Variants in CRTC3 observed in about 807,000 individuals in gnomAD.
The protein encoded by CRTC3 is CREB-regulated transcription coactivator 3.
Under a neutral mutation model 74.5 loss-of-function variants are expected in CRTC3, and 26 were observed. The observed-to-expected ratio is 0.35, with a 90% CI of 0.26 to 0.48. CRTC3 has a LOEUF of 0.48. CRTC3 is among the 20% of genes least tolerant of loss of function. The pLI is 0.99. For missense variants in CRTC3, 760 were observed against 787.3 expected (o/e 0.97, Z 0.41); for synonymous variants, 377 against 325.8 (o/e 1.16, Z -1.69).
chr15:90,625,354 A>G (rs1232216796), intron 9 of CRTC3, among the ~76,000 whole-genome samples: 1 of 151,818 alleles, frequency 6.6e-6, no homozygotes, highest in Non-Finnish European at 1.5e-5. Flanking sequence ...GAAGACTGTA[A>G]TTTTAAAAAT....
chr15:90,640,406 C>G (rs1245969541), intron 13 of CRTC3, among the ~76,000 whole-genome samples: 1 of 152,078 alleles, frequency 6.6e-6, no homozygotes, highest in Non-Finnish European at 1.5e-5. Flanking sequence ...AGGGAAGAGG[C>G]CAGGTGCAGT....
At chr15:90,640,989 ATG>A in intron 13 of CRTC3, 106 bp from the exon 14 acceptor site, 1 of 720,062 alleles carries the variant, frequency 1.4e-6, no homozygotes, top group Non-Finnish European at 2.5e-6. Context: ...AGAAGGGAAT[ATG>A]GATTAGTTTG....
In CRTC3 at chr15:90,553,464, C is replaced by T. The variant is rs572647079; in HGVS notation, c.231+13327C>T. ...TTAATCCATATTCGAATCATTTTTC[C>T]CTTCCTTTTTATCTAGCCGTACATG... On this transcript the variant is annotated intron_variant, in intron 2 of 14. Transcript: ENST00000268184. 2.6e-5 allele frequency among the ~76,000 whole-genome samples: 4 copies of T among 152,212 alleles called. 2 individuals are homozygous for T. The South Asian group carries it at 8.3e-4, about 32-fold the overall frequency.
rs528386425 is a variant in CRTC3, at chr15:90,637,297, C to T, written c.1267-1149C>T. 5.6e-4 allele frequency among the ~76,000 whole-genome samples: 85 copies of T among 152,192 alleles called. 2 individuals carry two copies. In the South Asian group the frequency reaches 0.015, roughly 27 times the overall value. ...GAAACCATCATTCTCAGCAAACTGT[C>T]GCAAGGACAAAAAACCAAACACCAC... On this transcript the variant is annotated intron_variant, in intron 11 of 14. Transcript: ENST00000268184.
chr15:90,625,666 G>A, intron 9 of CRTC3, 110 bp from the exon 10 acceptor site: 2 of 983,182 alleles, frequency 2.0e-6, no homozygotes, highest in Non-Finnish European at 3.2e-6. Flanking sequence ...CAGGACCTCG[G>A]TCTTTTGTAG....
intron 2 of CRTC3, among the ~76,000 whole-genome samples, chr15:90,565,551 T>C (rs1029202937): frequency 1.3e-5 from 2 of 152,238 alleles, no homozygotes; most frequent in African/African-American, 4.8e-5. Flanking sequence ...GATACTGTGC[T>C]TTTTACAAGT....
At chr15:90,624,640 A>C (rs1968765803) in intron 9 of CRTC3, among the ~76,000 whole-genome samples, 1 of 152,108 alleles carries the variant, frequency 6.6e-6, no homozygotes, top group Non-Finnish European at 1.5e-5. Context: ...ACTTATATGC[A>C]CTGGTTACAC....
intron 13 of CRTC3, among the ~76,000 whole-genome samples, chr15:90,639,672 A>G (rs775534343): frequency 8.1e-5 from 12 of 148,804 alleles, no homozygotes; most frequent in Admixed American, 6.0e-4. Context: ...CTAATCTTGA[A>G]CTCCGGACCT....
In CRTC3 at chr15:90,607,423, G is replaced by A. The variant is rs149106727; in HGVS notation, c.522G>A (p.Lys174=). The A allele has an allele frequency of 3.1e-6, 5 of 1,613,392 alleles. No homozygotes were observed. The South Asian group carries it at 5.5e-5, about 18-fold the overall frequency. ...SALHTSALST[K]PQDPYGGGGQ... is the part of the protein sequence containing the mutation. Reference sequence around the variant, plus strand: ...TTCACACGAGTGCTCTGAGTACCAAGCCCCAGGACCCCTATGGAGGAGGGG... The same window carrying A: ...TTCACACGAGTGCTCTGAGTACCAAACCCCAGGACCCCTATGGAGGAGGGG... The change falls in exon 6 of 15, where the codon AAG becomes AAA. Residue 174 remains lysine, a synonymous_variant. Coordinates refer to ENST00000268184, the MANE Select transcript of CRTC3 (RefSeq NM_022769.5).
rs746277982 is a variant in CRTC3 at position 90,619,628 on chromosome 15, C to T, written c.700-113C>T. The T allele has an allele frequency of 1.7e-4, 138 of 819,608 alleles. No individual in the cohort carries two copies. The Middle Eastern group carries it at 2.3e-3, about 14-fold the overall frequency. 50.8% of individuals were successfully genotyped at this position (819,608 alleles called of 1,614,324 possible). ...CTGCTGTGTGAGGACTCTGTCGACA[C>T]GCAAGCTCTCACTTGCGCCCACTAG... On this transcript the variant is annotated intron_variant, in intron 8 of 14. Transcript: ENST00000268184.
At chr15:90,599,497 T>C (rs1189809322) in intron 3 of CRTC3, 1 of 152,268 alleles carries the variant, frequency 6.6e-6, no homozygotes, top group Non-Finnish European at 1.5e-5. Context: ...TCTGAAGTTT[T>C]CCAAAGAACA....
chr15:90,552,713 A>G (rs2151062268), intron 2 of CRTC3, among the ~76,000 whole-genome samples: 1 of 152,326 alleles, frequency 6.6e-6, no homozygotes, highest in African/African-American at 2.4e-5. Context: ...GTAATTATCC[A>G]TAGGATAAAC....
intron 2 of CRTC3, among the ~76,000 whole-genome samples, chr15:90,576,835 G>A (rs564664381): frequency 1.6e-4 from 24 of 152,114 alleles, no homozygotes; most frequent in South Asian, 1.5e-3. Flanking sequence ...GGAGCAGAGG[G>A]ATGGGGGCTG....
At chr15:90,576,970 G>A (rs865933922) in intron 2 of CRTC3, among the ~76,000 whole-genome samples, 5 of 152,162 alleles carry the variant, frequency 3.3e-5, no homozygotes, top group African/African-American at 1.2e-4. Context: ...GCAAGTTAGC[G>A]ACTTTTGTGT....
chr15:90,628,479 C>G (rs1968920435), intron 10 of CRTC3, among the ~76,000 whole-genome samples: 1 of 152,172 alleles, frequency 6.6e-6, no homozygotes, highest in Non-Finnish European at 1.5e-5. Flanking sequence ...AGGCCCTGTG[C>G]CAGGTGCTGA....
chr15:90,561,294 C>CT (rs1469685010), intron 2 of CRTC3, among the ~76,000 whole-genome samples: 1 of 152,214 alleles, frequency 6.6e-6, no homozygotes, highest in Non-Finnish European at 1.5e-5. Flanking sequence ...CCATTTGCCT[C>CT]TTTCTTTGCA....
In CRTC3 at chr15:90,644,334, G is replaced by A. The variant is rs1389777929; in HGVS notation, c.*2194G>A. ...AAACCTGATCTCACTCTCAACAGGC[G>A]ATGGTGCTGATGTTTCAAGAATTGT... On this transcript the variant is annotated 3_prime_UTR_variant, in exon 15 of 15. Coordinates refer to ENST00000268184, the MANE Select transcript of CRTC3 (RefSeq NM_022769.5). 6.1e-5 allele frequency: 14 copies of A among 230,052 alleles called. No homozygotes were observed. In the East Asian group the frequency reaches 6.2e-4, roughly 10 times the overall value. The allele number at this position is 230,052 out of a possible 1,614,324, so 14.3% of individuals were successfully genotyped here. A position where few individuals can be genotyped will look rare whatever the true frequency, so the allele number is the denominator to read the frequency against.
At chr15:90,560,163 G>T (rs1434397451) in intron 2 of CRTC3, among the ~76,000 whole-genome samples, 2 of 152,094 alleles carry the variant, frequency 1.3e-5, no homozygotes. Context: ...CTCCAGGTTT[G>T]GTGGTTGATC....
intron 3 of CRTC3, chr15:90,597,720 C>T (rs998105804): frequency 5.3e-5 from 8 of 152,156 alleles, no homozygotes; most frequent in Non-Finnish European, 8.8e-5. Context: ...ACCTAACACC[C>T]GTCTTATCTT....
Sources: gnomAD v4.1 joint callset for allele counts (sites outside exome capture counted in the v4.1 genomes callset) on GRCh38, gnomAD v4.1.1 for gene constraint, MANE v1.5 for transcripts, NCBI Gene and HGNC (gene_info 2026-07-23, HGNC 2026-07-21) for gene names.